The following CLVS1 variants were observed in gnomAD, a reference collection of about 807,000 sequenced individuals.
The protein encoded by CLVS1 is clavesin 1.
Under a neutral mutation model 33.1 loss-of-function variants are expected in CLVS1, and 10 were observed. The ratio of observed to expected loss-of-function variants is 0.30; its 90% CI spans 0.19 to 0.51. The LOEUF is 0.51. Ranked by LOEUF, CLVS1 falls within the 20% of genes least tolerant of loss-of-function variation. CLVS1 has a pLI of 0.97. For synonymous variants in CLVS1, 163 were observed against 166.1 expected (o/e 0.98, Z 0.14); for missense variants, 343 against 433.4 (o/e 0.79, Z 1.85).
At chr8:61,323,079 C>T (rs1197998134) in intron 2 of CLVS1, among the ~76,000 whole-genome samples, 1 of 152,046 alleles carries the variant, frequency 6.6e-6, no homozygotes, top group African/African-American at 2.4e-5. Flanking sequence ...TATTGCTTGC[C>T]TTTCCTATTT....
intron 4 of CLVS1, among the ~76,000 whole-genome samples, chr8:61,455,085 G>T (rs973981174): frequency 1.3e-5 from 2 of 151,740 alleles, no homozygotes; most frequent in African/African-American, 4.8e-5. Flanking sequence ...TATATTTAAG[G>T]TGTTCAATGT....
At chr8:61,384,482 G>A (rs1315062135) in intron 3 of CLVS1, among the ~76,000 whole-genome samples, 1 of 152,192 alleles carries the variant, frequency 6.6e-6, no homozygotes. Context: ...GAAAGATAAG[G>A]CAATGGTTGA....
At position 61,500,706 on chromosome 8, in the gene CLVS1, G is replaced by GAC. The variant is rs1320257087; in HGVS notation, c.*1166_*1167dup. On this transcript the variant is annotated 3_prime_UTR_variant, in exon 6 of 6. Coordinates refer to ENST00000325897, the MANE Select transcript of CLVS1 (RefSeq NM_173519.3). The stretch of plus-strand genomic sequence containing the variant: ...TTTCCAAGACCAGTGCATATTTTTA[G>GAC]ACATCTCTTATTCGCCCAGCCATCT... 1 of 152,132 alleles carries GAC rather than the reference G, an allele frequency of 6.6e-6. No individual in the cohort carries two copies. The highest frequency in any genetic ancestry group is 2.4e-5 in the African/African-American group (1 of 41,432). 9.4% of individuals were successfully genotyped at this position (152,132 alleles called of 1,614,324 possible).
chr8:61,404,562 T>G (rs7825153), intron 3 of CLVS1, among the ~76,000 whole-genome samples: 1,752 of 152,110 alleles, frequency 0.012, 39 homozygotes, highest in African/African-American at 0.04. Flanking sequence ...TAGGAAACAG[T>G]TTTTCAAAAC....
At chr8:61,033,051 GAAAGAAAGAT>G in the CLVS1 span, among the ~76,000 whole-genome samples, 2 of 87,614 alleles carry the variant, frequency 2.3e-5, no homozygotes, top group Non-Finnish European at 5.3e-5. Context: ...GAAAGAAAAA[GAAAGAAAGAT>G]AGAAAGAAAG....
intron 1 of CLVS1, among the ~76,000 whole-genome samples, chr8:61,091,168 G>A (rs1434775484): frequency 6.6e-6 from 1 of 152,188 alleles, no homozygotes; most frequent in Non-Finnish European, 1.5e-5. Context: ...CAGGAGGAGT[G>A]AAGCACAGAG....
intron 2 of CLVS1, among the ~76,000 whole-genome samples, chr8:61,172,657 C>T (rs1455196548): frequency 2.0e-5 from 3 of 152,176 alleles, no homozygotes; most frequent in Non-Finnish European, 4.4e-5. Flanking sequence ...TCTTCAACTG[C>T]TGCCATACGA....
intron 2 of CLVS1, among the ~76,000 whole-genome samples, chr8:61,269,658 G>A (rs1371488724): frequency 2.1e-4 from 32 of 149,984 alleles, no homozygotes; most frequent in African/African-American, 7.8e-4. Flanking sequence ...AGCGTGGAAT[G>A]TTCTTCCATT....
chr8:61,426,842 G>C (rs1815915295), intron 3 of CLVS1, among the ~76,000 whole-genome samples: 1 of 152,160 alleles, frequency 6.6e-6, no homozygotes, highest in South Asian at 2.1e-4. Flanking sequence ...GCTCCTCATG[G>C]GCAGGATAGA....
chr8:61,048,784 C>A, the CLVS1 span, among the ~76,000 whole-genome samples: 1 of 152,152 alleles, frequency 6.6e-6, no homozygotes, highest in Non-Finnish European at 1.5e-5. Flanking sequence ...CCTGAGACAG[C>A]AGCCTTGCCC....
upstream of CLVS1, among the ~76,000 whole-genome samples, chr8:61,055,667 T>G (rs186568697): frequency 1.3e-5 from 2 of 152,324 alleles, no homozygotes; most frequent in African/African-American, 4.8e-5. Context: ...GGCCTTCCCT[T>G]CTGTTGAGAG....
chr8:61,316,789 G>A (rs1017481041), intron 2 of CLVS1, among the ~76,000 whole-genome samples: 1 of 152,192 alleles, frequency 6.6e-6, no homozygotes, highest in African/African-American at 2.4e-5. Flanking sequence ...CCTGTGGCTA[G>A]ATTATCTGGG....
chr8:61,480,456 A>G (rs569243149), intron 5 of CLVS1, among the ~76,000 whole-genome samples: 14 of 152,086 alleles, frequency 9.2e-5, no homozygotes, highest in Non-Finnish European at 1.9e-4. Flanking sequence ...GGTGGGAGTG[A>G]CCTGATTTTC....
At chr8:61,430,760 C>T (rs570477599) in intron 3 of CLVS1, among the ~76,000 whole-genome samples, 1 of 152,200 alleles carries the variant, frequency 6.6e-6, no homozygotes, top group South Asian at 2.1e-4. Flanking sequence ...CAAATATGGG[C>T]GCCATTGAAA....
chr8:61,304,717 T>C (rs1049556063), intron 2 of CLVS1, among the ~76,000 whole-genome samples: 2 of 152,186 alleles, frequency 1.3e-5, no homozygotes, highest in Non-Finnish European at 2.9e-5. Context: ...CACTTGGTCA[T>C]AAGCCCAGTT....
At chr8:60,975,431 C>A in the CLVS1 span, among the ~76,000 whole-genome samples, 4 of 152,062 alleles carry the variant, frequency 2.6e-5, no homozygotes, top group South Asian at 2.1e-4. Context: ...CTAAATCCAA[C>A]GACTGATATC....
chr8:61,411,968 G>A (rs535933042), intron 3 of CLVS1, among the ~76,000 whole-genome samples: 7 of 152,134 alleles, frequency 4.6e-5, no homozygotes, highest in East Asian at 1.9e-4. Context: ...CAAGTACTCC[G>A]TGCTGGAAAC....
chr8:61,134,581 T>G (rs1806158649), intron 2 of CLVS1, among the ~76,000 whole-genome samples: 1 of 152,216 alleles, frequency 6.6e-6, no homozygotes, highest in Non-Finnish European at 1.5e-5. Context: ...ATCCATTCTC[T>G]TGCCTTTTTG....
rs932685403 is a variant in CLVS1 at position 61,309,728 on chromosome 8, G to A, written c.455+9446G>A. Among the ~76,000 whole-genome samples, 12 of 152,290 alleles carry A rather than the reference G, an allele frequency of 7.9e-5. No individual in the cohort carries two copies. In the South Asian group the frequency reaches 1.2e-3, roughly 16 times the overall value. The stretch of plus-strand genomic sequence containing the variant: ...ATGTTACCAGTCACTGCTGACCTGT[G>A]GCAGTCTCTAAAGGGCTAACATTGC... On this transcript the variant is annotated intron_variant, in intron 2 of 5. Coordinates refer to ENST00000325897, the MANE Select transcript of CLVS1 (RefSeq NM_173519.3).
Sources: allele counts gnomAD v4.1 joint callset (sites outside exome capture counted in the v4.1 genomes callset), GRCh38; gene constraint gnomAD v4.1.1; transcripts MANE v1.5; gene names NCBI Gene and HGNC (gene_info 2026-07-23, HGNC 2026-07-21).